Variants in KIF20B observed in about 807,000 individuals in gnomAD.
The protein encoded by KIF20B is kinesin family member 20B, also known as kinesin-like protein KIF20B.
A neutral mutation model predicts 232.5 loss-of-function variants in KIF20B; 188 were observed. The ratio of observed to expected loss-of-function variants is 0.81; its 90% CI spans 0.72 to 0.91. The LOEUF (loss-of-function observed/expected upper bound fraction) is 0.91, where lower values mean the gene tolerates loss of function less well. Ranked by LOEUF, KIF20B falls within the 40% of genes least tolerant of loss-of-function variation. The probability of loss-of-function intolerance (pLI) is 0.00; values close to 1 mark genes in which losing one functional copy is unlikely to be tolerated. For synonymous variants in KIF20B, 712 were observed against 683.0 expected (o/e 1.04, Z -0.66); for missense variants, 2,154 against 2,055.9 (o/e 1.05, Z -0.92).
At position 89,737,575 on chromosome 10, in the gene KIF20B, A is replaced by G. The variant is rs1482807052; in HGVS notation, c.2734A>G (p.Ile912Val). ...KEEKAELNKQ[I>V]VHFQQELSLS... is the part of the protein sequence containing the mutation. ...AGAAAAAGCAGAATTAAATAAACAGATTGTTCATTTTCAGCAGGAACTTTC... is the reference window on the plus strand; with the variant it reads ...AGAAAAAGCAGAATTAAATAAACAGGTTGTTCATTTTCAGCAGGAACTTTC... Residue 912 changes from isoleucine to valine, a missense_variant, in exon 20 of 33, where the codon ATT becomes GTT. Coordinates refer to ENST00000371728, the MANE Select transcript of KIF20B (RefSeq NM_001284259.2). 1 of 1,606,038 alleles carries G rather than the reference A, an allele frequency of 6.2e-7. No homozygotes were observed. Among genetic ancestry groups the G allele is most frequent in the African/African-American group, 1.3e-5 (1 of 74,576 alleles).
Position 89,710,095 on chromosome 10 carries a change from G to T in KIF20B, c.490+30G>T, listed in dbSNP as rs1046942620. 7 of 1,571,834 alleles carry T rather than the reference G, an allele frequency of 4.5e-6. No homozygotes were observed. In the African/African-American group the frequency reaches 9.6e-5, roughly 22 times the overall value. On this transcript the variant is annotated intron_variant, in intron 5 of 32. Transcript: ENST00000371728. ...ATATTGTTTTATTTTGGTTGGAAAG[G>T]ATAAGGAAGCAATAATAATCACTCA...
intron 13 of KIF20B, among the ~76,000 whole-genome samples, chr10:89,722,835 T>G (rs1041740154): frequency 5.3e-5 from 8 of 152,134 alleles, no homozygotes; most frequent in Non-Finnish European, 1.2e-4. Context: ...AAAATCTAAA[T>G]ATAAAGATCT....
At position 89,724,110 on chromosome 10, in the gene KIF20B, T is replaced by A; in HGVS notation, c.1862+7T>A. 5 of 1,474,120 alleles carry A rather than the reference T, an allele frequency of 3.4e-6. No homozygotes were observed. The highest frequency in any genetic ancestry group is 4.5e-6 in the Non-Finnish European group (5 of 1,115,396). The allele number at this position is 1,474,120 out of a possible 1,614,324, so 91.3% of individuals were successfully genotyped here. A position where few individuals can be genotyped will look rare whatever the true frequency, so the allele number is the denominator to read the frequency against. On this transcript the variant is annotated splice_region_variant and intron_variant, in intron 14 of 32. Transcript: ENST00000371728. ...AACGGGAAGCTGACTTTAAGTAAGT[T>A]ATTTATTTCATGTCCAGGTAAAAAT...
At chr10:89,754,720 T>C in intron 26 of KIF20B, 47 bp downstream of exon 26, 2 of 1,347,524 alleles carry the variant, frequency 1.5e-6, no homozygotes, top group South Asian at 4.0e-5. Context: ...CTTTCCTTGG[T>C]GTGTTAAATG....
rs766023506 is a variant in KIF20B at position 89,762,658 on chromosome 10, C to T, written c.4812C>T (p.Asp1604=). 1 of 1,613,170 alleles carries T rather than the reference C, an allele frequency of 6.2e-7. No individual in the cohort carries two copies. The highest frequency in any genetic ancestry group is 8.5e-7 in the Non-Finnish European group (1 of 1,179,356). Residue 1604 remains aspartate, a synonymous_variant, in exon 29 of 33, where the codon GAC becomes GAT. Coordinates refer to ENST00000371728, the MANE Select transcript of KIF20B (RefSeq NM_001284259.2). The part of the protein sequence containing the change: ...NKIEDGSVVL[D]SCEVSTENDQ... ...TGTAGGATGGATCTGTAGTCCTTGA[C>T]TCTTGTGAAGTGTCAACAGAAAATG...
intron 1 of KIF20B, among the ~76,000 whole-genome samples, chr10:89,703,555 C>G (rs1046806206): frequency 6.6e-6 from 1 of 152,080 alleles, no homozygotes; most frequent in African/African-American, 2.4e-5. Flanking sequence ...GTCTCCGGAT[C>G]ATAGAAACTC....
chr10:89,743,940 G>GT lies in KIF20B; in HGVS notation c.4035+18dup, dbSNP rs1351649581. 6.4e-7 allele frequency: 1 copy of GT among 1,571,222 alleles called. No individual in the cohort carries two copies. Among genetic ancestry groups the GT allele is most frequent in the South Asian group, 1.2e-5 (1 of 81,236 alleles). ...TCAGCAACTCAAGGTAAACAGTTTT[G>GT]TTTTTAAAGATGATTTAAATGCATT... On this transcript the variant is annotated intron_variant, in intron 22 of 32. Coordinates refer to ENST00000371728, the MANE Select transcript of KIF20B (RefSeq NM_001284259.2).
intron 6 of KIF20B, among the ~76,000 whole-genome samples, chr10:89,712,683 T>C (rs1842858525): frequency 1.3e-5 from 2 of 152,206 alleles, no homozygotes. Flanking sequence ...AATAAATATG[T>C]AATATACTGT....
chr10:89,723,943 T>G (rs750731117), intron 13 of KIF20B, 21 bp from the exon 14 acceptor site: 2 of 1,476,896 alleles, frequency 1.4e-6, no homozygotes, highest in Non-Finnish European at 1.8e-6. Flanking sequence ...TTATAAGAAT[T>G]TTATCATTTA....
At chr10:89,721,142 C>T (rs538918750) in intron 13 of KIF20B, among the ~76,000 whole-genome samples, 2 of 152,298 alleles carry the variant, frequency 1.3e-5, no homozygotes, top group South Asian at 2.1e-4. Context: ...TCACAGTACT[C>T]TTCTGGATTG....
chr10:89,723,364 C>T (rs1843107942), intron 13 of KIF20B, among the ~76,000 whole-genome samples: 1 of 151,766 alleles, frequency 6.6e-6, no homozygotes, highest in Non-Finnish European at 1.5e-5. Flanking sequence ...TTATATATTG[C>T]ACATTTTTCA....
intron 31 of KIF20B, among the ~76,000 whole-genome samples, chr10:89,771,278 T>C (rs1007526708): frequency 8.1e-5 from 12 of 148,816 alleles, no homozygotes; most frequent in African/African-American, 3.0e-4. Flanking sequence ...TGCTTTCTTA[T>C]TATCTTTTAC....
chr10:89,717,417 A>G lies in KIF20B; in HGVS notation c.1053-7A>G. 2.0e-6 allele frequency: 3 copies of G among 1,526,728 alleles called. No homozygotes were observed. The highest frequency in any genetic ancestry group is 2.7e-6 in the Non-Finnish European group (3 of 1,110,180). 94.6% of individuals were successfully genotyped at this position (1,526,728 alleles called of 1,614,324 possible). A position where few individuals can be genotyped will look rare whatever the true frequency, so the allele number is the denominator to read the frequency against. ...TGATAAGATAACATTTGATCTTTGTATTTCAGTCACAGCATATTCACTGTT... is the reference window on the plus strand; with the variant it reads ...TGATAAGATAACATTTGATCTTTGTGTTTCAGTCACAGCATATTCACTGTT... On this transcript the variant is annotated splice_polypyrimidine_tract_variant and splice_region_variant and intron_variant, in intron 9 of 32. Coordinates refer to ENST00000371728, the MANE Select transcript of KIF20B (RefSeq NM_001284259.2).
At chr10:89,768,934 G>T in intron 31 of KIF20B, 46 bp downstream of exon 31, 1 of 1,487,768 alleles carries the variant, frequency 6.7e-7, no homozygotes, top group South Asian at 1.3e-5. Context: ...TAGATGTTGG[G>T]TATATTTTAA....
intron 2 of KIF20B, among the ~76,000 whole-genome samples, chr10:89,705,664 A>G (rs899945380): frequency 1.3e-5 from 2 of 152,252 alleles, no homozygotes; most frequent in African/African-American, 4.8e-5. Flanking sequence ...GTTTTATTGC[A>G]TCACAATCGT....
intron 28 of KIF20B, among the ~76,000 whole-genome samples, chr10:89,762,434 G>A (rs919796993): frequency 2.4e-4 from 36 of 152,278 alleles, no homozygotes; most frequent in African/African-American, 8.2e-4. Flanking sequence ...GGGAAATAGC[G>A]ATGTTACCCC....
intron 29 of KIF20B, among the ~76,000 whole-genome samples, chr10:89,765,555 C>G (rs1227599011): frequency 1.3e-5 from 2 of 151,914 alleles, no homozygotes; most frequent in Non-Finnish European, 2.9e-5. Context: ...CATATGGAAC[C>G]AAAAAAGAGC....
rs116441746 is a variant in KIF20B at position 89,707,733 on chromosome 10, T to C, written c.148-1434T>C. 3.0e-3 allele frequency among the ~76,000 whole-genome samples: 455 copies of C among 152,032 alleles called. 3 individuals carry two copies. Among genetic ancestry groups the C allele is most frequent in the African/African-American group, 0.01 (425 of 41,418 alleles). On this transcript the variant is annotated intron_variant, in intron 2 of 32. Coordinates refer to ENST00000371728, the MANE Select transcript of KIF20B (RefSeq NM_001284259.2). ...TGGGGAAGCAGAAATCCTCTTCTTA[T>C]TACTCATTTTGCTGCTCATCTTAGA...
chr10:89,718,862 T>C lies in KIF20B; in HGVS notation c.1424T>C (p.Ile475Thr). ...ETLNVLKFSA[I>T]AQKVCVPDTL... ...CTCAATGTATTGAAGTTCTCCGCCA[T>C]TGCACAAAAAGTAAATATTTATTTT... The change falls in exon 12 of 33, where the codon ATT (isoleucine) becomes ACT (threonine). Residue 475 changes from isoleucine (I) to threonine (T), a missense_variant. Ile to Thr is a moderately conservative substitution (Grantham distance 89, BLOSUM62 -1). Transcript: ENST00000371728. 6.5e-7 allele frequency: 1 copy of C among 1,542,646 alleles called. No homozygotes were observed. Among genetic ancestry groups the C allele is most frequent in the Non-Finnish European group, 8.7e-7 (1 of 1,146,310 alleles).
Sources: gnomAD v4.1 joint callset for allele counts (sites outside exome capture counted in the v4.1 genomes callset) on GRCh38, gnomAD v4.1.1 for gene constraint, MANE v1.5 for transcripts, NCBI Gene and HGNC (gene_info 2026-07-23, HGNC 2026-07-21) for gene names.